The following LSM7 variants were observed in gnomAD, a reference collection of about 807,000 sequenced individuals.
LSM7 encodes U6 snRNA-associated Sm-like protein LSm7.
Under a neutral mutation model 14.1 loss-of-function variants are expected in LSM7, and 13 were observed. The observed-to-expected ratio is 0.92, with a 90% CI of 0.60 to 1.47. The LOEUF (loss-of-function observed/expected upper bound fraction) is 1.47. Among genes scored for constraint, LSM7 ranks in the 40% most tolerant of loss-of-function variants. The pLI is 0.00. For missense variants in LSM7, 108 were observed against 140.8 expected, an observed-to-expected ratio of 0.77 and a Z score of 1.18; for synonymous variants, 70 against 57.1, an observed-to-expected ratio of 1.23 and a Z score of -1.02.
At chr19:2,322,884 A>AT (rs531109884) in intron 3 of LSM7, among the ~76,000 whole-genome samples, 38,687 of 143,748 alleles carry the variant, frequency 0.27, 6,633 homozygotes, top group African/African-American at 0.49. Context: ...GGCTAATTAC[A>AT]TTTTTTTTTT....
chr19:2,324,484 G>A (rs527975292), intron 2 of LSM7: 16 of 494,518 alleles, frequency 3.2e-5, no homozygotes, highest in African/African-American at 9.6e-5. Context: ...AGGCAGCTTC[G>A]GTAATGAGTC....
chr19:2,328,522 C>CTCCAT, intron 1 of LSM7, 39 bp downstream of exon 1: 1 of 1,608,896 alleles, frequency 6.2e-7, no homozygotes, highest in Non-Finnish European at 8.5e-7. Flanking sequence ...GCGGCCCGAG[C>CTCCAT]TCCACGCCCC....
chr19:2,322,482 A>T (rs1284284002), intron 3 of LSM7, among the ~76,000 whole-genome samples: 3 of 152,202 alleles, frequency 2.0e-5, no homozygotes, highest in Non-Finnish European at 2.9e-5. Flanking sequence ...CGGAGCTTGC[A>T]GTGAGCCGAG....
chr19:2,324,044 A>AC, intron 3 of LSM7, 81 bp downstream of exon 3: 1 of 259,544 alleles, frequency 3.9e-6, no homozygotes, highest in South Asian at 4.3e-5. Context: ...CCCTCGTCCC[A>AC]CTGCCCCCCT....
chr19:2,327,980 T>C (rs963156673), intron 2 of LSM7: 19 of 175,474 alleles, frequency 1.1e-4, no homozygotes, highest in Non-Finnish European at 1.7e-4. Flanking sequence ...GCAGCTCACT[T>C]GCCCAGTCAA....
At chr19:2,325,228 G>A (rs775451997) in intron 2 of LSM7, among the ~76,000 whole-genome samples, 1 of 152,102 alleles carries the variant, frequency 6.6e-6, no homozygotes, top group East Asian at 1.9e-4. Context: ...ATCCTGCTCC[G>A]CAGTGTCTGG....
chr19:2,328,555 G>T lies in LSM7; in HGVS notation c.6+6C>A, dbSNP rs991885773. On this transcript the variant is annotated splice_donor_region_variant and intron_variant, in intron 1 of 3. Transcript: ENST00000252622. ...CCCCCGGCTCCAGATTCCGCCGCGC[G>T]CTCACCGCCATCTTGTCGCGCCGTG... 4 of 1,593,234 alleles carry T rather than the reference G, an allele frequency of 2.5e-6. No homozygotes were observed. The highest frequency in any genetic ancestry group is 3.4e-6 in the Non-Finnish European group (4 of 1,171,194).
chr19:2,324,061 G>A (rs2302057), intron 3 of LSM7, 64 bp downstream of exon 3: 69,323 of 455,656 alleles, frequency 0.15, 6,505 homozygotes, highest in African/African-American at 0.3. Context: ...CCCTCGTCCC[G>A]CTGCCCCCCT....
chr19:2,321,749 C>G lies in LSM7; in HGVS notation c.243G>C (p.Val81=). The part of the protein sequence containing the change: ...LGLVVCRGTS[V]VLICPQDGME... The stretch of plus-strand genomic sequence containing the variant: ...TGCCGTCCTGCGGGCAGATTAGCAC[C>G]ACGGACGTGCCCCGGCACACCACGA... Residue 81 remains valine, a synonymous_variant, in exon 4 of 4, where the codon GTG becomes GTC. Coordinates refer to ENST00000252622, the MANE Select transcript of LSM7 (RefSeq NM_016199.3). This position sits in a 1 kb window ranked among gnomAD's most constrained non-coding sequence, Gnocchi z 5.0. 3 of 1,564,770 alleles carry G rather than the reference C, an allele frequency of 1.9e-6. No individual in the cohort carries two copies. The South Asian group carries it at 3.6e-5, about 19-fold the overall frequency.
chr19:2,327,213 T>C (rs1329722126), intron 2 of LSM7, among the ~76,000 whole-genome samples: 1 of 152,238 alleles, frequency 6.6e-6, no homozygotes, highest in East Asian at 1.9e-4. Context: ...TGTCCTTCCA[T>C]GTCCGGAGTC....
chr19:2,324,281 G>T (rs74775089), intron 2 of LSM7, 85 bp from the exon 3 acceptor site: 2 of 1,048,206 alleles, frequency 1.9e-6, no homozygotes, highest in African/African-American at 1.6e-5. Context: ...GCCCAGGTAT[G>T]GGGCTAACTG....
intron 2 of LSM7, 43 bp downstream of exon 2, chr19:2,328,344 G>C (rs749609950): frequency 1.3e-6 from 2 of 1,557,146 alleles, no homozygotes; most frequent in Non-Finnish European, 8.8e-7. Flanking sequence ...GGGTTTATTT[G>C]AAATTTTTAA....
chr19:2,328,108 A>C, intron 2 of LSM7: 2 of 357,120 alleles, frequency 5.6e-6, no homozygotes, highest in Non-Finnish European at 5.2e-6. Flanking sequence ...TGGCCTCTCT[A>C]CTAAAAATAC....
chr19:2,327,499 C>T (rs1968055054), intron 2 of LSM7, among the ~76,000 whole-genome samples: 1 of 152,038 alleles, frequency 6.6e-6, no homozygotes, highest in Non-Finnish European at 1.5e-5. Flanking sequence ...CCTCGGCCTC[C>T]CAAAGTGTCA....
At chr19:2,327,926 T>C (rs565608679) in intron 2 of LSM7, 1 of 163,480 alleles carries the variant, frequency 6.1e-6, no homozygotes, top group African/African-American at 2.4e-5. Flanking sequence ...TGGGTGGAGT[T>C]ACCAGCCCCA....
At chr19:2,322,541 A>G (rs1035322565) in intron 3 of LSM7, among the ~76,000 whole-genome samples, 4 of 152,118 alleles carry the variant, frequency 2.6e-5, no homozygotes, top group Non-Finnish European at 5.9e-5. Context: ...ATTCCATCTC[A>G]AAAAATAAAA....
intron 2 of LSM7, among the ~76,000 whole-genome samples, chr19:2,327,700 C>T (rs1156388975): frequency 1.3e-5 from 2 of 152,198 alleles, no homozygotes; most frequent in Non-Finnish European, 2.9e-5. Context: ...CCCCGTCCGG[C>T]TGGGGCACTG....
At chr19:2,322,514 C>T (rs1005949190) in intron 3 of LSM7, among the ~76,000 whole-genome samples, 18 of 152,122 alleles carry the variant, frequency 1.2e-4, no homozygotes, top group African/African-American at 4.3e-4. Flanking sequence ...GCACTCCAGC[C>T]TGGGTGACAG....
intron 3 of LSM7, among the ~76,000 whole-genome samples, chr19:2,322,463 C>T (rs1429266789): frequency 6.6e-6 from 1 of 152,168 alleles, no homozygotes; most frequent in Non-Finnish European, 1.5e-5. Flanking sequence ...ATGGTGTGAA[C>T]CCAGGAGGCG....
Sources: gnomAD v4.1 joint callset for allele counts (sites outside exome capture counted in the v4.1 genomes callset) on GRCh38, gnomAD v4.1.1 for gene constraint, Gnocchi (gnomAD v3.1) non-coding constraint, MANE v1.5 for transcripts, NCBI Gene and HGNC (gene_info 2026-07-23, HGNC 2026-07-21) for gene names.